Variants in SAR1B observed in about 807,000 individuals in gnomAD.
The protein encoded by SAR1B is small COPII coat GTPase SAR1B.
Under a neutral mutation model 26.8 loss-of-function variants are expected in SAR1B, and 23 were observed. That is an observed-to-expected ratio of 0.86 (90% CI 0.62 to 1.22). The LOEUF (loss-of-function observed/expected upper bound fraction) is 1.22, where lower values mean the gene tolerates loss of function less well. Ranked by LOEUF, SAR1B falls within the 50% of genes most tolerant of loss-of-function variation. SAR1B has a pLI of 0.00. For synonymous variants in SAR1B, 65 were observed against 80.8 expected (o/e 0.80, Z 1.05); for missense variants, 196 against 232.8 (o/e 0.84, Z 1.03).
At chr5:134,624,188 C>A (rs1765459352) in intron 1 of SAR1B, among the ~76,000 whole-genome samples, 151 bp from the exon 2 acceptor site, 2 of 152,124 alleles carry the variant, frequency 1.3e-5, no homozygotes, top group African/African-American at 4.8e-5. Flanking sequence ...GTGGGTGGAT[C>A]ATCTGAGGTC....
intron 5 of SAR1B, chr5:134,609,176 C>T (rs1358675886): frequency 8.9e-6 from 4 of 448,310 alleles, no homozygotes; most frequent in South Asian, 4.8e-5. Context: ...CCTCTGCTCA[C>T]TCCTGGGAGT....
intron 2 of SAR1B, among the ~76,000 whole-genome samples, chr5:134,622,567 T>G (rs935341817): frequency 2.0e-5 from 3 of 151,564 alleles, no homozygotes; most frequent in African/African-American, 7.3e-5. Context: ...CGTGCCACCA[T>G]GCCTGTCTAA....
rs116517428 is a variant in SAR1B, at chr5:134,606,176, C to T, written c.*774G>A. 7.2e-5 allele frequency: 11 copies of T among 152,576 alleles called. No individual in the cohort carries two copies. The highest frequency in any genetic ancestry group is 2.4e-4 in the African/African-American group (10 of 41,576). The allele number at this position is 152,576 out of a possible 1,614,324, so 9.5% of individuals were successfully genotyped here. A position where few individuals can be genotyped will look rare whatever the true frequency, so the allele number is the denominator to read the frequency against. On this transcript the variant is annotated 3_prime_UTR_variant, in exon 7 of 7. Transcript: ENST00000402673. ...CCCACAGGGACTAGGACACAGACCC[C>T]ATCAGCAATGGTAGTGGCTGCATTA...
At chr5:134,617,488 G>A (rs985161355) in intron 3 of SAR1B, among the ~76,000 whole-genome samples, 3 of 152,128 alleles carry the variant, frequency 2.0e-5, no homozygotes, top group African/African-American at 7.2e-5. Flanking sequence ...AATGTGAGCT[G>A]CAGGAAAGGT....
At chr5:134,622,941 G>A (rs1381778802) in intron 2 of SAR1B, among the ~76,000 whole-genome samples, 1 of 150,258 alleles carries the variant, frequency 6.7e-6, no homozygotes, top group Non-Finnish European at 1.5e-5. Context: ...GGCCAACACG[G>A]TGAAACCCCA....
Position 134,609,254 on chromosome 5 carries a change from A to G in SAR1B, c.348+317T>C, listed in dbSNP as rs1316029360. 9.4e-6 allele frequency: 4 copies of G among 426,006 alleles called. No homozygotes were observed. The East Asian group carries it at 1.7e-4, about 18-fold the overall frequency. 26.4% of individuals were successfully genotyped at this position (426,006 alleles called of 1,614,324 possible). On this transcript the variant is annotated intron_variant, in intron 5 of 6. Coordinates refer to ENST00000402673, the MANE Select transcript of SAR1B (RefSeq NM_016103.4). ...TAAGATATAGCATCTTAGCATGACC[A>G]GGGACTCAAGATCAACCCACTCCAG...
intron 3 of SAR1B, 154 bp from the exon 4 acceptor site, chr5:134,612,910 G>T (rs537798610): frequency 4.1e-5 from 27 of 651,756 alleles, no homozygotes; most frequent in Non-Finnish European, 6.4e-5. Flanking sequence ...TCAAAGACCC[G>T]TGCTAACATT....
At chr5:134,612,641 TAAAAAAAAAAAAAAAAAAAAAAAAAAAA>T (rs34365859) in intron 4 of SAR1B, 22 bp downstream of exon 4, 42 of 767,828 alleles carry the variant, frequency 5.5e-5, no homozygotes, top group East Asian at 1.9e-4. Flanking sequence ...TGAGCCTGTC[TAAAAAAAAAAAAAAAAAAAAAAAAAAAA>T]AAAAAAAAAA....
intron 3 of SAR1B, chr5:134,613,780 A>C: frequency 6.6e-6 from 1 of 152,190 alleles, no homozygotes; most frequent in East Asian, 1.9e-4. Flanking sequence ...TGTGGCCATT[A>C]TTTCCATAAC....
chr5:134,620,680 T>C (rs1765391475), intron 3 of SAR1B, among the ~76,000 whole-genome samples: 2 of 152,020 alleles, frequency 1.3e-5, no homozygotes, highest in Non-Finnish European at 2.9e-5. Context: ...GGGAAACATA[T>C]CGAAACCTGG....
rs1277759497 is a variant in SAR1B at position 134,605,064 on chromosome 5, A to C, written c.*1886T>G. 1 of 152,240 alleles carries C rather than the reference A, an allele frequency of 6.6e-6. No individual in the cohort carries two copies. The highest frequency in any genetic ancestry group is 1.5e-5 in the Non-Finnish European group (1 of 68,030). 9.4% of individuals were successfully genotyped at this position (152,240 alleles called of 1,614,324 possible). ...TTAGAAAGAAGATGAAAGTGAAAAC[A>C]GAATAGTCAGATTACTGAAACCAAA... On this transcript the variant is annotated 3_prime_UTR_variant, in exon 7 of 7. Transcript: ENST00000402673.
chr5:134,611,001 C>T (rs1356038654), intron 4 of SAR1B, among the ~76,000 whole-genome samples: 1 of 151,502 alleles, frequency 6.6e-6, no homozygotes, highest in African/African-American at 2.4e-5. Flanking sequence ...GTAGGTAGGA[C>T]TATCAGTGTC....
chr5:134,615,139 G>A (rs1458819850), intron 3 of SAR1B, among the ~76,000 whole-genome samples: 3 of 151,998 alleles, frequency 2.0e-5, no homozygotes, highest in Non-Finnish European at 2.9e-5. Flanking sequence ...ACGAGGTCAG[G>A]AGATCGAGAC....
At chr5:134,624,681 G>A (rs1233359497) in intron 1 of SAR1B, among the ~76,000 whole-genome samples, 2 of 145,346 alleles carry the variant, frequency 1.4e-5, no homozygotes, top group Admixed American at 7.1e-5. Flanking sequence ...AGGCTAGAGT[G>A]CAATGGCTCG....
At chr5:134,612,996 T>G (rs948447952) in intron 3 of SAR1B, 1 of 508,702 alleles carries the variant, frequency 2.0e-6, no homozygotes, top group African/African-American at 2.0e-5. Flanking sequence ...GCCTAAATAT[T>G]TGCCCTGGCA....
rs1765131159 is a variant in SAR1B at position 134,606,556 on chromosome 5, TATA to T, written c.*391_*393del. The stretch of plus-strand genomic sequence containing the variant: ...ACTGTACACTTAAGATAGGTGGACA[TATA>T]ATCTAAAATTTAAAAACTAGTTCCA... On this transcript the variant is annotated 3_prime_UTR_variant, in exon 7 of 7. Coordinates refer to ENST00000402673, the MANE Select transcript of SAR1B (RefSeq NM_016103.4). 1 of 233,038 alleles carries T rather than the reference TATA, an allele frequency of 4.3e-6. No individual in the cohort carries two copies. Among genetic ancestry groups the T allele is most frequent in the South Asian group, 5.7e-5 (1 of 17,402 alleles). The allele number at this position is 233,038 out of a possible 1,614,324, so 14.4% of individuals were successfully genotyped here. A position where few individuals can be genotyped will look rare whatever the true frequency, so the allele number is the denominator to read the frequency against.
chr5:134,612,316 G>A (rs554986033), intron 4 of SAR1B, among the ~76,000 whole-genome samples: 7 of 152,104 alleles, frequency 4.6e-5, no homozygotes, highest in South Asian at 4.1e-4. Context: ...AGTATTTATC[G>A]GGGAGTAATA....
intron 3 of SAR1B, among the ~76,000 whole-genome samples, chr5:134,618,587 A>C (rs1765350927): frequency 6.6e-6 from 1 of 152,236 alleles, no homozygotes; most frequent in Non-Finnish European, 1.5e-5. Flanking sequence ...TTCACCTGTA[A>C]AAGTAAGGTC....
chr5:134,604,581 C>A lies in SAR1B; in HGVS notation c.*2369G>T, dbSNP rs1765099604. ...GCTGGTTGCTCCTAAACATGGCTTC[C>A]TTTCTAGAGGCTCGGGCCATAAAAA... On this transcript the variant is annotated 3_prime_UTR_variant, in exon 7 of 7. Coordinates refer to ENST00000402673, the MANE Select transcript of SAR1B (RefSeq NM_016103.4). 1 of 152,176 alleles carries A rather than the reference C, an allele frequency of 6.6e-6. No individual in the cohort carries two copies. Among genetic ancestry groups the A allele is most frequent in the Non-Finnish European group, 1.5e-5 (1 of 68,022 alleles). 9.4% of individuals were successfully genotyped at this position (152,176 alleles called of 1,614,324 possible). A position where few individuals can be genotyped will look rare whatever the true frequency, so the allele number is the denominator to read the frequency against.
Sources: gnomAD v4.1 joint callset for allele counts (sites outside exome capture counted in the v4.1 genomes callset) on GRCh38, gnomAD v4.1.1 for gene constraint, MANE v1.5 for transcripts, NCBI Gene and HGNC (gene_info 2026-07-23, HGNC 2026-07-21) for gene names.